IGF1R: variants seen among roughly 807,000 people sequenced by gnomAD.
The protein encoded by IGF1R is insulin like growth factor 1 receptor.
Under a neutral mutation model 144.6 loss-of-function variants are expected in IGF1R, and 44 were observed. The observed-to-expected ratio is 0.30, with a 90% CI of 0.24 to 0.39. The LOEUF is 0.39. Ranked by LOEUF, IGF1R falls within the 10% of genes least tolerant of loss-of-function variation. The pLI is 1.00. For missense variants in IGF1R, 1,355 were observed against 1,833.7 expected (o/e 0.74, Z 4.77); for synonymous variants, 795 against 722.8 (o/e 1.10, Z -1.60).
At chr15:98,834,515 A>G (rs918131811) in intron 2 of IGF1R, among the ~76,000 whole-genome samples, 1 of 152,250 alleles carries the variant, frequency 6.6e-6, no homozygotes, top group East Asian at 1.9e-4. Flanking sequence ...ACATTTCACC[A>G]GAATTGATCC....
chr15:98,716,237 C>G (rs4965427), intron 2 of IGF1R, among the ~76,000 whole-genome samples: 1 of 152,158 alleles, frequency 6.6e-6, no homozygotes, highest in African/African-American at 2.4e-5. Context: ...GAGTAAGTTA[C>G]TGAGGGTTTC....
intron 2 of IGF1R, among the ~76,000 whole-genome samples, chr15:98,710,482 G>A (rs1436089492): frequency 6.6e-6 from 1 of 152,034 alleles, no homozygotes; most frequent in Non-Finnish European, 1.5e-5. Flanking sequence ...ACTGTGGCTT[G>A]TCCGAATTGG....
At chr15:98,949,132 C>G in intron 20 of IGF1R, among the ~76,000 whole-genome samples, 1 of 152,230 alleles carries the variant, frequency 6.6e-6, no homozygotes, top group East Asian at 1.9e-4. Context: ...GAGGGAGCCG[C>G]CGCAGTGAGT....
intron 2 of IGF1R, among the ~76,000 whole-genome samples, chr15:98,806,347 A>G (rs2056470860): frequency 6.6e-6 from 1 of 152,142 alleles, no homozygotes; most frequent in South Asian, 2.1e-4. Flanking sequence ...AGGGCGCACG[A>G]AGTGCTGTGT....
Position 98,961,771 on chromosome 15 carries a change from G to C in IGF1R, c.*4329G>C, listed in dbSNP as rs528814787. The C allele has an allele frequency of 1.3e-5, 3 of 233,392 alleles. No individual in the cohort carries two copies. The highest frequency in any genetic ancestry group is 6.6e-5 in the African/African-American group (3 of 45,350). 14.5% of individuals were successfully genotyped at this position (233,392 alleles called of 1,614,324 possible). On this transcript the variant is annotated 3_prime_UTR_variant, in exon 21 of 21. Transcript: ENST00000650285. ...ACCCAGACCACCCCAGGTCTCCTTC[G>C]TGGGATGTCATGACGTTTGACATAC...
intron 20 of IGF1R, among the ~76,000 whole-genome samples, chr15:98,951,031 C>T (rs1015203876): frequency 9.9e-5 from 15 of 152,156 alleles, no homozygotes; most frequent in African/African-American, 3.6e-4. Flanking sequence ...GTTGGCTGGG[C>T]GGCATGCTCA....
intron 20 of IGF1R, among the ~76,000 whole-genome samples, chr15:98,953,547 G>T (rs1026391751): frequency 6.6e-6 from 1 of 152,174 alleles, no homozygotes; most frequent in Non-Finnish European, 1.5e-5. Context: ...TTCAGGAAAC[G>T]TAGTGACGTA....
At chr15:98,739,817 C>A (rs186496322) in intron 2 of IGF1R, among the ~76,000 whole-genome samples, 1 of 152,228 alleles carries the variant, frequency 6.6e-6, no homozygotes, top group African/African-American at 2.4e-5. Context: ...TTCTCGAATT[C>A]CTGAGCTCAA....
In IGF1R at chr15:98,896,744, TC is replaced by T. The variant is rs1369575568; in HGVS notation, c.954-12del. ...TTATGTGTGTTTTTGATTTTTTTTT[TC>T]TTCTTCAACAGCATGTACTGCATCC... On this transcript the variant is annotated splice_polypyrimidine_tract_variant and intron_variant, in intron 3 of 20. Transcript: ENST00000650285. 5.6e-6 allele frequency: 9 copies of T among 1,613,484 alleles called. No individual in the cohort carries two copies. The highest frequency in any genetic ancestry group is 1.1e-5 in the South Asian group (1 of 91,022).
rs376535691 is a variant in IGF1R at position 98,842,978 on chromosome 15, A to G, written c.641-48347A>G. Among the ~76,000 whole-genome samples the G allele has an allele frequency of 2.3e-3, 354 of 152,328 alleles. 1 individual carries two copies. The highest frequency in any genetic ancestry group is 8.2e-3 in the African/African-American group (341 of 41,564). On this transcript the variant is annotated intron_variant, in intron 2 of 20. Transcript: ENST00000650285. ...TAGCAAATAAATGGCAATATGTGTA[A>G]CGTGGTGAATGGGATGTAAAGCTGT...
At chr15:98,858,637 C>T (rs1567164821) in intron 2 of IGF1R, among the ~76,000 whole-genome samples, 1 of 152,210 alleles carries the variant, frequency 6.6e-6, no homozygotes, top group Non-Finnish European at 1.5e-5. Flanking sequence ...GCTTCGGAGG[C>T]ACAGACTCCA....
At chr15:98,659,644 C>T (rs761400503) in intron 1 of IGF1R, among the ~76,000 whole-genome samples, 12 of 152,064 alleles carry the variant, frequency 7.9e-5, no homozygotes, top group African/African-American at 2.7e-4. Flanking sequence ...TGCAGACAGG[C>T]GCACTGCAAC....
rs116283184 is a variant in IGF1R at position 98,700,504 on chromosome 15, A to G, written c.95-7058A>G. On this transcript the variant is annotated intron_variant, in intron 1 of 20. Coordinates refer to ENST00000650285, the MANE Select transcript of IGF1R (RefSeq NM_000875.5). ...AGCAGCATCAGCATCACCTGGGTGC[A>G]TATTAGAAACAAATTTTGGGGCCTC... Among the ~76,000 whole-genome samples, 799 of 152,246 alleles carry G rather than the reference A, an allele frequency of 5.2e-3. 2 individuals are homozygous for G. Among genetic ancestry groups the G allele is most frequent in the African/African-American group, 0.018 (759 of 41,540 alleles).
intron 2 of IGF1R, among the ~76,000 whole-genome samples, chr15:98,828,211 A>G (rs887885212): frequency 6.6e-6 from 1 of 152,214 alleles, no homozygotes; most frequent in Non-Finnish European, 1.5e-5. Flanking sequence ...ATGTCTTCCC[A>G]GCACCCTAAA....
chr15:98,776,735 C>T (rs1187727447), intron 2 of IGF1R, among the ~76,000 whole-genome samples: 1 of 152,156 alleles, frequency 6.6e-6, no homozygotes, highest in African/African-American at 2.4e-5. Flanking sequence ...AGGATGTGGT[C>T]TGTCTTGAGT....
At chr15:98,756,210 C>T (rs932678473) in intron 2 of IGF1R, among the ~76,000 whole-genome samples, 3 of 149,928 alleles carry the variant, frequency 2.0e-5, no homozygotes, top group Non-Finnish European at 4.4e-5. Context: ...CACCCTTTCC[C>T]AGCATCTAGA....
chr15:98,713,341 A>G (rs3803476), intron 2 of IGF1R, among the ~76,000 whole-genome samples: 95,275 of 152,000 alleles, frequency 0.63, 30,143 homozygotes, highest in African/African-American at 0.7. Context: ...AGCAGAGAGT[A>G]GCGTATCCTG....
At chr15:98,873,615 T>A (rs891997494) in intron 2 of IGF1R, 1 of 152,240 alleles carries the variant, frequency 6.6e-6, no homozygotes, top group Non-Finnish European at 1.5e-5. Flanking sequence ...TCTGGCTAAT[T>A]TAATATAAAG....
At chr15:98,663,769 C>A (rs771125168) in intron 1 of IGF1R, among the ~76,000 whole-genome samples, 2 of 152,182 alleles carry the variant, frequency 1.3e-5, no homozygotes, top group Non-Finnish European at 2.9e-5. Context: ...CGGTGGCCCC[C>A]GCTACCCTGA....
Sources: gnomAD v4.1 joint callset for allele counts (sites outside exome capture counted in the v4.1 genomes callset) on GRCh38, gnomAD v4.1.1 for gene constraint, MANE v1.5 for transcripts, NCBI Gene and HGNC (gene_info 2026-07-23, HGNC 2026-07-21) for gene names.